The following CYRIA variants were observed in gnomAD, a reference collection of about 807,000 sequenced individuals.
CYRIA encodes CYFIP related Rac1 interactor A.
Under a neutral mutation model 43.9 loss-of-function variants are expected in CYRIA, and 15 were observed. The ratio of observed to expected loss-of-function variants is 0.34; its 90% CI spans 0.23 to 0.53. The LOEUF is 0.53. CYRIA is among the 20% of genes least tolerant of loss of function. CYRIA has a pLI of 0.94. For missense variants in CYRIA, 236 were observed against 394.2 expected (o/e 0.60, Z 3.40); for synonymous variants, 117 against 136.0 (o/e 0.86, Z 0.97).
rs867747462 is a variant in CYRIA, at chr2:16,605,134, A to G, written c.-10-17005T>C. The stretch of plus-strand genomic sequence containing the variant: ...GCAATTCACGGGAATTCTAAAAAAA[A>G]AAAACCACGAAACCATTATGGAATT... On this transcript the variant is annotated intron_variant, in intron 2 of 11. Coordinates refer to ENST00000381323, the MANE Select transcript of CYRIA (RefSeq NM_030797.4). Among the ~76,000 whole-genome samples, 31 of 152,346 alleles carry G rather than the reference A, an allele frequency of 2.0e-4. 1 individual carries two copies. The South Asian group carries it at 2.1e-3, about 10-fold the overall frequency.
intron 1 of CYRIA, among the ~76,000 whole-genome samples, chr2:16,665,233 G>C (rs533407166): frequency 2.0e-4 from 31 of 152,238 alleles, no homozygotes; most frequent in Admixed American, 3.9e-4. Flanking sequence ...TGGGTTCTGG[G>C]GGAGGAGAGA....
intron 2 of CYRIA, among the ~76,000 whole-genome samples, chr2:16,600,510 C>T (rs566178333): frequency 2.0e-5 from 3 of 152,140 alleles, no homozygotes; most frequent in Non-Finnish European, 4.4e-5. Flanking sequence ...ATGGCTTCCG[C>T]ATTCAGGTGA....
intron 9 of CYRIA, 47 bp from the exon 10 acceptor site, chr2:16,559,633 G>A (rs781250355): frequency 1.9e-6 from 3 of 1,594,506 alleles, no homozygotes; most frequent in Non-Finnish European, 2.6e-6. Context: ...GTCAGAACAT[G>A]TGCGTTCTTT....
chr2:16,622,633 A>G (rs1433279983), intron 2 of CYRIA, among the ~76,000 whole-genome samples: 1 of 152,220 alleles, frequency 6.6e-6, no homozygotes, highest in Admixed American at 6.5e-5. Flanking sequence ...TACTATCCCT[A>G]CCTTACAGGT....
In CYRIA at chr2:16,555,267, C is replaced by T. The variant is rs1005390021; in HGVS notation, c.838-128G>A. ...CATAGAAATCCAACGCAGAAATGAC[C>T]AACAGGTTTTCCTACCCCCTCAGGC... On this transcript the variant is annotated intron_variant, in intron 10 of 11. Coordinates refer to ENST00000381323, the MANE Select transcript of CYRIA (RefSeq NM_030797.4). The T allele has an allele frequency of 3.4e-6, 3 of 885,502 alleles. No individual in the cohort carries two copies. The African/African-American group carries it at 5.0e-5, about 15-fold the overall frequency. The allele number at this position is 885,502 out of a possible 1,614,324, so 54.9% of individuals were successfully genotyped here.
At position 16,550,290 on chromosome 2, in the gene CYRIA, A is replaced by C. The variant is rs1666252537; in HGVS notation, c.*2646T>G. The C allele has an allele frequency of 1.4e-5, 2 of 140,260 alleles. No individual in the cohort carries two copies. Among genetic ancestry groups the C allele is most frequent in the African/African-American group, 5.6e-5 (2 of 35,516 alleles). 8.7% of individuals were successfully genotyped at this position (140,260 alleles called of 1,614,324 possible). A position where few individuals can be genotyped will look rare whatever the true frequency, so the allele number is the denominator to read the frequency against. ...GCAGCACACACACACACACACAAAAACCAAAAACAAAGCCAAAAAAAAAAA... is the reference window on the plus strand; with the variant it reads ...GCAGCACACACACACACACACAAAACCCAAAAACAAAGCCAAAAAAAAAAA... On this transcript the variant is annotated 3_prime_UTR_variant, in exon 12 of 12. Coordinates refer to ENST00000381323, the MANE Select transcript of CYRIA (RefSeq NM_030797.4).
At chr2:16,573,795 C>T (rs1040650190) in intron 3 of CYRIA, among the ~76,000 whole-genome samples, 1 of 152,220 alleles carries the variant, frequency 6.6e-6, no homozygotes, top group African/African-American at 2.4e-5. Context: ...TGAGGCCTCT[C>T]TAGCCATGTG....
chr2:16,562,832 A>C (rs1436120469), intron 5 of CYRIA, among the ~76,000 whole-genome samples: 1 of 152,174 alleles, frequency 6.6e-6, no homozygotes, highest in Non-Finnish European at 1.5e-5. Flanking sequence ...AGTTTTATTA[A>C]AACACAGACG....
At chr2:16,592,183 C>A (rs1037177562) in intron 2 of CYRIA, among the ~76,000 whole-genome samples, 1 of 152,054 alleles carries the variant, frequency 6.6e-6, no homozygotes, top group Admixed American at 6.5e-5. Flanking sequence ...ATTTTTGTAT[C>A]TGGAAGGTTC....
At chr2:16,572,274 A>G (rs1667156524) in intron 3 of CYRIA, among the ~76,000 whole-genome samples, 1 of 152,222 alleles carries the variant, frequency 6.6e-6, no homozygotes, top group Admixed American at 6.5e-5. Flanking sequence ...CAGGGTCATA[A>G]TGAAGATGAT....
intron 2 of CYRIA, among the ~76,000 whole-genome samples, chr2:16,619,233 C>T (rs1668913081): frequency 1.3e-5 from 2 of 152,140 alleles, no homozygotes; most frequent in South Asian, 2.1e-4. Context: ...GTCAACTGCA[C>T]CATGCTCTGA....
intron 1 of CYRIA, among the ~76,000 whole-genome samples, chr2:16,646,825 G>A (rs551712580): frequency 5.5e-5 from 7 of 126,136 alleles, no homozygotes; most frequent in African/African-American, 3.3e-4. Context: ...TGAATTAAAG[G>A]GGGGGGATTT....
intron 2 of CYRIA, among the ~76,000 whole-genome samples, chr2:16,592,593 C>T (rs1420612598): frequency 1.3e-5 from 2 of 152,230 alleles, no homozygotes; most frequent in South Asian, 4.1e-4. Flanking sequence ...TTTTCCCATG[C>T]ATCGTAAGCT....
intron 2 of CYRIA, among the ~76,000 whole-genome samples, chr2:16,611,775 G>A (rs1202650140): frequency 6.6e-6 from 1 of 151,704 alleles, no homozygotes; most frequent in Admixed American, 6.6e-5. Flanking sequence ...AGGGGCGGAG[G>A]TGGGGGGGTG....
At chr2:16,599,460 A>G (rs1242008927) in intron 2 of CYRIA, among the ~76,000 whole-genome samples, 1 of 81,482 alleles carries the variant, frequency 1.2e-5, no homozygotes, top group Non-Finnish European at 2.3e-5. Flanking sequence ...GCCGGTCTGA[A>G]AAGCGCAATA....
intron 1 of CYRIA, among the ~76,000 whole-genome samples, chr2:16,664,857 T>C (rs925728757): frequency 8.6e-5 from 13 of 151,868 alleles, no homozygotes; most frequent in Middle Eastern, 3.2e-3. Flanking sequence ...AGCAGGCGGG[T>C]AAACAAGGGT....
chr2:16,577,144 C>A (rs1667380709), intron 3 of CYRIA, among the ~76,000 whole-genome samples: 1 of 152,006 alleles, frequency 6.6e-6, no homozygotes, highest in South Asian at 2.1e-4. Context: ...AAAATCTGAT[C>A]AGAGGGTAGA....
chr2:16,664,520 A>G (rs1333883898), intron 1 of CYRIA, among the ~76,000 whole-genome samples: 1 of 152,198 alleles, frequency 6.6e-6, no homozygotes, highest in Non-Finnish European at 1.5e-5. Flanking sequence ...TCTCCACTGC[A>G]AAGCAAGCCC....
intron 1 of CYRIA, among the ~76,000 whole-genome samples, chr2:16,661,437 GGTTCA>G (rs1312919170): frequency 2.6e-5 from 4 of 152,130 alleles, no homozygotes. Flanking sequence ...CCTGCTTAAA[GGTTCA>G]GTTTATTTCA....
Sources: allele counts gnomAD v4.1 joint callset (sites outside exome capture counted in the v4.1 genomes callset), GRCh38; gene constraint gnomAD v4.1.1; transcripts MANE v1.5; gene names NCBI Gene and HGNC (gene_info 2026-07-23, HGNC 2026-07-21).